Variants in R3HDM1 observed in about 807,000 individuals in gnomAD.
R3HDM1 encodes the protein R3H domain containing 1.
A neutral mutation model predicts 141.1 loss-of-function variants in R3HDM1; 46 were observed. That is an observed-to-expected ratio of 0.33 (90% CI 0.26 to 0.42). R3HDM1 has a LOEUF of 0.42. Among genes scored for constraint, R3HDM1 ranks in the 10% least tolerant of loss-of-function variants. The pLI, the probability that R3HDM1 is intolerant of heterozygous loss-of-function variation, is 1.00. For missense variants in R3HDM1, 1,184 were observed against 1,368.3 expected (o/e 0.87, Z 2.12); for synonymous variants, 435 against 472.9 (o/e 0.92, Z 1.04).
At chr2:135,718,927 C>T (rs982138184) in intron 24 of R3HDM1, among the ~76,000 whole-genome samples, 4 of 152,056 alleles carry the variant, frequency 2.6e-5, no homozygotes, top group African/African-American at 9.7e-5. Context: ...GTGGGTGGAT[C>T]AGGAGGTCAC....
intron 21 of R3HDM1, among the ~76,000 whole-genome samples, chr2:135,693,381 G>A (rs1295795574): frequency 2.6e-5 from 4 of 152,128 alleles, no homozygotes; most frequent in Admixed American, 2.0e-4. Flanking sequence ...AGACAAAGAG[G>A]CAGTGGTCAC....
intron 19 of R3HDM1, among the ~76,000 whole-genome samples, chr2:135,665,902 C>T (rs1484942299): frequency 1.3e-5 from 2 of 152,044 alleles, no homozygotes; most frequent in Admixed American, 6.6e-5. Context: ...TTCTTACCAA[C>T]GATATAATTT....
intron 1 of R3HDM1, among the ~76,000 whole-genome samples, chr2:135,562,219 G>A (rs1051254260): frequency 7.9e-5 from 12 of 152,156 alleles, no homozygotes; most frequent in African/African-American, 2.7e-4. Flanking sequence ...GGAATGAGGC[G>A]TATGGGCATC....
intron 1 of R3HDM1, among the ~76,000 whole-genome samples, chr2:135,572,732 T>G (rs1704425919): frequency 6.7e-6 from 1 of 148,748 alleles, no homozygotes. Context: ...AGCATATTTA[T>G]AATAATCAAT....
intron 18 of R3HDM1, among the ~76,000 whole-genome samples, chr2:135,652,672 T>C (rs2065271669): frequency 6.6e-6 from 1 of 152,204 alleles, no homozygotes; most frequent in African/African-American, 2.4e-5. Context: ...TTGGGCATTG[T>C]TCCCTCCTCC....
intron 14 of R3HDM1, among the ~76,000 whole-genome samples, chr2:135,640,706 C>T (rs1330854671): frequency 6.6e-6 from 1 of 152,130 alleles, no homozygotes; most frequent in East Asian, 1.9e-4. Context: ...ATCCCAGAGT[C>T]AATTCTCTTA....
intron 21 of R3HDM1, among the ~76,000 whole-genome samples, chr2:135,688,289 C>T (rs2071712932): frequency 6.6e-6 from 1 of 152,126 alleles, no homozygotes; most frequent in Non-Finnish European, 1.5e-5. Flanking sequence ...GCCATCAGTT[C>T]AGTGTTAACG....
intron 3 of R3HDM1, chr2:135,607,053 A>G (rs2060138362): frequency 6.6e-6 from 1 of 152,080 alleles, no homozygotes; most frequent in Admixed American, 6.6e-5. Flanking sequence ...TAGTGGCGCA[A>G]CCTTGGCTTA....
chr2:135,720,578 T>C (rs1383830938), intron 24 of R3HDM1, among the ~76,000 whole-genome samples: 1 of 152,240 alleles, frequency 6.6e-6, no homozygotes, highest in Non-Finnish European at 1.5e-5. Flanking sequence ...AGAAAGCAAT[T>C]GGAAGATCTC....
intron 21 of R3HDM1, among the ~76,000 whole-genome samples, chr2:135,701,405 A>C (rs2074184869): frequency 6.6e-6 from 1 of 152,126 alleles, no homozygotes; most frequent in East Asian, 1.9e-4. Flanking sequence ...TCTCCAAAAA[A>C]TAATAATAAA....
intron 21 of R3HDM1, among the ~76,000 whole-genome samples, chr2:135,692,267 TTTATGAA>T (rs558138005): frequency 6.6e-5 from 10 of 152,114 alleles, no homozygotes; most frequent in Non-Finnish European, 1.3e-4. Context: ...ATGTGGAGTC[TTTATGAA>T]TCTTTTATTC....
chr2:135,645,222 C>T (rs2064263502), intron 15 of R3HDM1, 157 bp from the exon 16 acceptor site: 1 of 606,710 alleles, frequency 1.6e-6, no homozygotes, highest in East Asian at 2.8e-5. Context: ...TCAGAGCAGG[C>T]ATTTCCCAAC....
intron 19 of R3HDM1, among the ~76,000 whole-genome samples, chr2:135,673,123 A>G (rs2068650569): frequency 6.6e-6 from 1 of 152,118 alleles, no homozygotes; most frequent in Non-Finnish European, 1.5e-5. Flanking sequence ...AACAAAAAGA[A>G]TAAGATACCA....
chr2:135,641,975 T>A (rs2063831981), intron 15 of R3HDM1, among the ~76,000 whole-genome samples, 185 bp downstream of exon 15: 2 of 86,966 alleles, frequency 2.3e-5, no homozygotes, highest in African/African-American at 1.0e-4. Context: ...CAGAAAGCAT[T>A]TTTTTCCCCT....
intron 19 of R3HDM1, chr2:135,669,675 C>A: frequency 1.4e-6 from 1 of 731,896 alleles, no homozygotes; most frequent in Non-Finnish European, 1.7e-6. Context: ...AGCTGTTGAT[C>A]ATAGAGAAGG....
intron 6 of R3HDM1, chr2:135,622,240 G>A: frequency 2.0e-6 from 2 of 983,248 alleles, no homozygotes; most frequent in Non-Finnish European, 2.4e-6. Flanking sequence ...CCAAATTATT[G>A]CCTCCATTAT....
At chr2:135,642,452 TAAAG>T (rs977516332) in intron 15 of R3HDM1, among the ~76,000 whole-genome samples, 3 of 152,166 alleles carry the variant, frequency 2.0e-5, no homozygotes, top group South Asian at 4.1e-4. Flanking sequence ...CATTTACAGA[TAAAG>T]AAACTGAACC....
chr2:135,693,470 T>A (rs2072756693), intron 21 of R3HDM1, among the ~76,000 whole-genome samples: 1 of 151,768 alleles, frequency 6.6e-6, no homozygotes, highest in African/African-American at 2.4e-5. Flanking sequence ...TAGTCAGATG[T>A]TGTAGGGGGT....
intron 21 of R3HDM1, among the ~76,000 whole-genome samples, chr2:135,700,617 A>C (rs917374277): frequency 1.3e-5 from 2 of 152,246 alleles, no homozygotes; most frequent in Non-Finnish European, 1.5e-5. Flanking sequence ...TAGTCACTAA[A>C]AGCTGTAGTA....
Sources: allele counts gnomAD v4.1 joint callset (sites outside exome capture counted in the v4.1 genomes callset), GRCh38; gene constraint gnomAD v4.1.1; transcripts MANE v1.5; gene names NCBI Gene and HGNC (gene_info 2026-07-23, HGNC 2026-07-21).